EFNA5: variants seen among roughly 807,000 people sequenced by gnomAD.
EFNA5 encodes the protein ephrin A5, also known as ephrin-A5.
In EFNA5, 5 loss-of-function variants were observed where a neutral mutation model predicts 22.9. That is an observed-to-expected ratio of 0.22 (90% confidence interval 0.11 to 0.46). The LOEUF is 0.46. Ranked by LOEUF, EFNA5 falls within the 20% of genes least tolerant of loss-of-function variation. EFNA5 has a pLI of 0.99. For missense variants in EFNA5, 237 were observed against 293.3 expected (o/e 0.81, Z 1.40); for synonymous variants, 113 against 112.2 (o/e 1.01, Z -0.04).
At chr5:107,578,649 C>T (rs1276188752) in intron 1 of EFNA5, among the ~76,000 whole-genome samples, 2 of 152,208 alleles carry the variant, frequency 1.3e-5, no homozygotes, top group Non-Finnish European at 2.9e-5. Context: ...TAAGCATCCA[C>T]TGTTCAGAGC....
chr5:107,640,505 T>G (rs1048693017), intron 1 of EFNA5, among the ~76,000 whole-genome samples: 1 of 152,232 alleles, frequency 6.6e-6, no homozygotes, highest in African/African-American at 2.4e-5. Flanking sequence ...GATTTAGTGA[T>G]AGCAAGTCTT....
intron 1 of EFNA5, among the ~76,000 whole-genome samples, chr5:107,596,157 T>G (rs1182648361): frequency 6.6e-6 from 1 of 152,172 alleles, no homozygotes; most frequent in Admixed American, 6.6e-5. Context: ...AAACATAAAA[T>G]TTATCATTTT....
chr5:107,408,085 T>C (rs1016516160), intron 2 of EFNA5, among the ~76,000 whole-genome samples: 4 of 152,256 alleles, frequency 2.6e-5, no homozygotes, highest in Non-Finnish European at 5.9e-5. Flanking sequence ...CCAGGCCCTA[T>C]TCTCTGCACA....
chr5:107,594,385 A>C (rs1356695604), intron 1 of EFNA5, among the ~76,000 whole-genome samples: 1 of 152,104 alleles, frequency 6.6e-6, no homozygotes, highest in African/African-American at 2.4e-5. Flanking sequence ...CAGGAAAAGG[A>C]AGACAGAAAG....
intron 1 of EFNA5, among the ~76,000 whole-genome samples, chr5:107,561,527 C>T (rs1310053685): frequency 6.6e-6 from 1 of 152,130 alleles, no homozygotes; most frequent in Middle Eastern, 3.4e-3. Context: ...TGCCACCATG[C>T]CCGGCTAATA....
intron 1 of EFNA5, among the ~76,000 whole-genome samples, chr5:107,459,167 G>A (rs1276048430): frequency 6.6e-6 from 1 of 152,060 alleles, no homozygotes; most frequent in Non-Finnish European, 1.5e-5. Context: ...GCTGAGGCAG[G>A]TGGATCACCT....
At chr5:107,476,057 T>TATATATATATATATATATATATGTATATA in intron 1 of EFNA5, among the ~76,000 whole-genome samples, 2 of 100,422 alleles carry the variant, frequency 2.0e-5, no homozygotes, top group Non-Finnish European at 3.7e-5. Context: ...TATATATATA[T>TATATATATATATATATATATATGTATATA]TTTTTTTTTT....
rs1249130171 is a variant in EFNA5, at chr5:107,670,819, T to TG, written c.-207dup. On this transcript the variant is annotated 5_prime_UTR_variant, in exon 1 of 5. Transcript: ENST00000333274. ...GCGAGAAGAAAAGAAGGCGGTGGGA[T>TG]GGGGGGTGATAAAGACAAACTCGCA... 1.2e-4 allele frequency: 74 copies of TG among 627,236 alleles called. No homozygotes were observed. In the African/African-American group the frequency reaches 1.2e-3, roughly 10 times the overall value. 38.9% of individuals were successfully genotyped at this position (627,236 alleles called of 1,614,324 possible). A position where few individuals can be genotyped will look rare whatever the true frequency, so the allele number is the denominator to read the frequency against.
intron 2 of EFNA5, among the ~76,000 whole-genome samples, chr5:107,394,435 T>C (rs995801662): frequency 1.3e-5 from 2 of 151,980 alleles, no homozygotes; most frequent in Non-Finnish European, 2.9e-5. Flanking sequence ...AAAACCAGAA[T>C]AAGAAAAGGG....
Position 107,378,985 on chromosome 5 carries a change from TATTA to T in EFNA5, c.*2266_*2269del, listed in dbSNP as rs1236294183. ...CCCACTGGACCAACAAGCCTGTAAC[TATTA>T]ATTAAAAAAAAAAAAGTATTTCTGC... On this transcript the variant is annotated 3_prime_UTR_variant, in exon 5 of 5. Coordinates refer to ENST00000333274, the MANE Select transcript of EFNA5 (RefSeq NM_001962.3). The T allele has an allele frequency of 2.0e-5, 3 of 151,288 alleles. No homozygotes were observed. The highest frequency in any genetic ancestry group is 7.3e-5 in the African/African-American group (3 of 40,820). 9.4% of individuals were successfully genotyped at this position (151,288 alleles called of 1,614,324 possible). A position where few individuals can be genotyped will look rare whatever the true frequency, so the allele number is the denominator to read the frequency against.
At position 107,380,374 on chromosome 5, in the gene EFNA5, T is replaced by TAAAAAAAA. The variant is rs556075303; in HGVS notation, c.*873_*880dup. 4.2e-5 allele frequency: 2 copies of TAAAAAAAA among 47,460 alleles called. No homozygotes were observed. The highest frequency in any genetic ancestry group is 1.7e-4 in the African/African-American group (2 of 11,622). The allele number at this position is 47,460 out of a possible 1,614,324, so 2.9% of individuals were successfully genotyped here. On this transcript the variant is annotated 3_prime_UTR_variant, in exon 5 of 5. Transcript: ENST00000333274. Reference sequence around the variant, plus strand: ...CATAAAAATGCCTCTTTGAGTTTCTTAAAAAAAAAAAAAAAAAAAAAAAAA... The same window carrying TAAAAAAAA: ...CATAAAAATGCCTCTTTGAGTTTCTTAAAAAAAAAAAAAAAAAAAAAAAAAAAAAAAAA...
chr5:107,454,777 G>C (rs1320484390), intron 1 of EFNA5, among the ~76,000 whole-genome samples: 3 of 152,078 alleles, frequency 2.0e-5, no homozygotes, highest in Admixed American at 2.0e-4. Context: ...GGCAGGGAGG[G>C]AATGAGGAAG....
intron 1 of EFNA5, among the ~76,000 whole-genome samples, chr5:107,660,276 ATATATATATATAT>A (rs1750920172): frequency 1.8e-5 from 1 of 56,482 alleles, no homozygotes; most frequent in East Asian, 8.8e-4. Flanking sequence ...ATATATATAT[ATATATATATATAT>A]ATATATATAT....
chr5:107,403,123 T>C (rs1284833226), intron 2 of EFNA5, among the ~76,000 whole-genome samples: 1 of 152,172 alleles, frequency 6.6e-6, no homozygotes, highest in Non-Finnish European at 1.5e-5. Flanking sequence ...AGTTCCCCTG[T>C]ATAGCCAGGG....
At chr5:107,447,370 G>C (rs748396419) in intron 1 of EFNA5, among the ~76,000 whole-genome samples, 78 of 152,280 alleles carry the variant, frequency 5.1e-4, no homozygotes, top group South Asian at 4.1e-4. Context: ...TTCCTAATTT[G>C]ATTGACTTTT....
chr5:107,467,287 T>C (rs1473677110), intron 1 of EFNA5, among the ~76,000 whole-genome samples: 3 of 152,026 alleles, frequency 2.0e-5, no homozygotes, highest in Non-Finnish European at 4.4e-5. Context: ...CAATGAATGA[T>C]GTAATGAGAA....
rs944160021 is a variant in EFNA5, at chr5:107,670,790, GAGAGCGAGAAGAAAAGAA to G, written c.-195_-178del. On this transcript the variant is annotated 5_prime_UTR_variant, in exon 1 of 5. Transcript: ENST00000333274. ...CGCCCACCAAGCTGGGGAGGGGTAG[GAGAGCGAGAAGAAAAGAA>G]GGCGGTGGGATGGGGGGTGATAAAG... The G allele has an allele frequency of 2.0e-5, 16 of 819,072 alleles. No homozygotes were observed. Among genetic ancestry groups the G allele is most frequent in the Middle Eastern group, 3.4e-4 (1 of 2,956 alleles). 50.7% of individuals were successfully genotyped at this position (819,072 alleles called of 1,614,324 possible).
chr5:107,381,160 A>G lies in EFNA5; in HGVS notation c.*95T>C. The G allele has an allele frequency of 1.4e-6, 2 of 1,474,776 alleles. No individual in the cohort carries two copies. The highest frequency in any genetic ancestry group is 1.8e-6 in the Non-Finnish European group (2 of 1,097,318). The allele number at this position is 1,474,776 out of a possible 1,614,324, so 91.4% of individuals were successfully genotyped here. On this transcript the variant is annotated 3_prime_UTR_variant, in exon 5 of 5. Transcript: ENST00000333274. The stretch of plus-strand genomic sequence containing the variant: ...AAAAATCTGACATCTGCCAAAACCC[A>G]ATAACAAGTCCCTTCTTAGGATGAG...
intron 1 of EFNA5, among the ~76,000 whole-genome samples, chr5:107,526,987 T>TAA (rs1316463510): frequency 6.6e-6 from 1 of 152,218 alleles, no homozygotes; most frequent in African/African-American, 2.4e-5. Flanking sequence ...TGATACAGAA[T>TAA]AACCAACCAT....
Sources: gnomAD v4.1 joint callset for allele counts (sites outside exome capture counted in the v4.1 genomes callset) on GRCh38, gnomAD v4.1.1 for gene constraint, MANE v1.5 for transcripts, NCBI Gene and HGNC (gene_info 2026-07-23, HGNC 2026-07-21) for gene names.